FMN1: variants seen among roughly 807,000 people sequenced by gnomAD.
FMN1 encodes the protein formin-1.
In FMN1, 110 loss-of-function variants were observed where a neutral mutation model predicts 132.4. The observed-to-expected ratio is 0.83, with a 90% CI of 0.71 to 0.97. The LOEUF (loss-of-function observed/expected upper bound fraction) is 0.97. Among genes scored for constraint, FMN1 ranks in the 50% least tolerant of loss-of-function variants. The pLI is 0.00. For missense variants in FMN1, 1,792 were observed against 1,705.3 expected (o/e 1.05, Z -0.90); for synonymous variants, 722 against 651.7 (o/e 1.11, Z -1.64).
intron 6 of FMN1, among the ~76,000 whole-genome samples, chr15:33,010,559 T>G (rs1007015425): frequency 1.3e-5 from 2 of 152,182 alleles, no homozygotes; most frequent in African/African-American, 4.8e-5. Context: ...ATTGTTGATA[T>G]TCATCATTTT....
rs1450091847 is a variant in FMN1, at chr15:33,153,328, G to C, written c.1587C>G (p.Pro529=). The C allele has an allele frequency of 6.5e-7, 1 of 1,536,362 alleles. No individual in the cohort carries two copies. Among genetic ancestry groups the C allele is most frequent in the East Asian group, 2.4e-5 (1 of 40,920 alleles). ...GGATCCTGTGATGCTGCTGAGGGCTGGGGAGCCTTGGAGACAGAGGCGAGG... is the reference window on the plus strand; with the variant it reads ...GGATCCTGTGATGCTGCTGAGGGCTCGGGAGCCTTGGAGACAGAGGCGAGG... ...PVPSPLSPRL[P]SPQQHHRILR... Residue 529 remains proline (P), a synonymous_variant, in exon 4 of 21, where the codon CCC becomes CCG. Transcript: ENST00000616417.
chr15:32,958,899 G>A (rs144677297), intron 9 of FMN1, among the ~76,000 whole-genome samples: 2,070 of 152,020 alleles, frequency 0.014, 49 homozygotes, highest in African/African-American at 0.047. Context: ...AAAATTAGCT[G>A]GGCGTGATGG....
Position 33,088,961 on chromosome 15 carries a change from C to T in FMN1, c.1881G>A (p.Glu627=), listed in dbSNP as rs1484101129. ...QHQSPPGISS[E]GFPWDGFNEQ... ...CATTGAAGCCGTCCCAGGGAAAGCC[C>T]TCAGAGGAGATACCTAAACAAACAC... The change falls in exon 5 of 21, where the codon GAG becomes GAA. Residue 627 remains glutamate (E), a synonymous_variant. Transcript: ENST00000616417. 2.0e-6 allele frequency: 3 copies of T among 1,534,538 alleles called. No individual in the cohort carries two copies. The African/African-American group carries it at 4.1e-5, about 21-fold the overall frequency.
intron 17 of FMN1, among the ~76,000 whole-genome samples, chr15:32,852,498 G>A (rs2141268896): frequency 6.6e-6 from 1 of 152,160 alleles, no homozygotes; most frequent in South Asian, 2.1e-4. Context: ...TCCCACCTCA[G>A]CCTCCCAAGT....
intron 16 of FMN1, among the ~76,000 whole-genome samples, chr15:32,882,417 G>A (rs1221442723): frequency 6.6e-6 from 1 of 152,138 alleles, no homozygotes; most frequent in African/African-American, 2.4e-5. Context: ...CTGGTATTAA[G>A]TGCTCATTAA....
At chr15:33,075,847 ATTCAT>A (rs2038186929) in intron 5 of FMN1, among the ~76,000 whole-genome samples, 1 of 152,170 alleles carries the variant, frequency 6.6e-6, no homozygotes, top group Admixed American at 6.5e-5. Context: ...CATTTTATTT[ATTCAT>A]TTATTTTTGG....
At chr15:33,050,715 A>G (rs2036928684) in intron 6 of FMN1, among the ~76,000 whole-genome samples, 1 of 152,228 alleles carries the variant, frequency 6.6e-6, no homozygotes, top group Non-Finnish European at 1.5e-5. Context: ...ATTCCACTTC[A>G]GTCCTATCAA....
chr15:32,972,530 T>C (rs1596373995), intron 7 of FMN1, among the ~76,000 whole-genome samples: 1 of 152,306 alleles, frequency 6.6e-6, no homozygotes. Flanking sequence ...CTCTGCCACA[T>C]TTGTTAAGAG....
At chr15:32,963,054 T>C (rs2030768687) in intron 9 of FMN1, among the ~76,000 whole-genome samples, 1 of 144,754 alleles carries the variant, frequency 6.9e-6, no homozygotes, top group African/African-American at 2.8e-5. Flanking sequence ...GTATGTTTAT[T>C]GTGGCATTAT....
At chr15:32,962,611 T>A (rs2030701648) in intron 9 of FMN1, among the ~76,000 whole-genome samples, 2 of 150,932 alleles carry the variant, frequency 1.3e-5, no homozygotes, top group African/African-American at 4.9e-5. Context: ...AGGGCTAATA[T>A]CCAGAATCTA....
At chr15:32,785,218 A>ATATATATATTTTTTT (rs1444523400) in intron 19 of FMN1, among the ~76,000 whole-genome samples, 2 of 39,208 alleles carry the variant, frequency 5.1e-5, no homozygotes, top group African/African-American at 1.2e-4. Flanking sequence ...ATATATATAT[A>ATATATATATTTTTTT]TTTTTTTTTT....
chr15:32,955,350 T>C (rs1240754821), intron 9 of FMN1, among the ~76,000 whole-genome samples: 5 of 152,210 alleles, frequency 3.3e-5, no homozygotes, highest in African/African-American at 1.2e-4. Context: ...GATGTGTGTA[T>C]TTTGCAAAGC....
At chr15:33,027,370 T>A (rs1263881351) in intron 6 of FMN1, among the ~76,000 whole-genome samples, 1 of 152,226 alleles carries the variant, frequency 6.6e-6, no homozygotes, top group Non-Finnish European at 1.5e-5. Context: ...ATTTGAAATA[T>A]ACTAAGTAAT....
intron 8 of FMN1, among the ~76,000 whole-genome samples, chr15:32,965,565 A>G (rs143414830): frequency 4.6e-5 from 7 of 152,310 alleles, no homozygotes; most frequent in African/African-American, 1.7e-4. Context: ...CTATTATTAC[A>G]TGGAATGGTC....
chr15:33,090,342 T>C (rs2141365679), intron 4 of FMN1, among the ~76,000 whole-genome samples: 1 of 152,296 alleles, frequency 6.6e-6, no homozygotes, highest in East Asian at 1.9e-4. Context: ...AGAAAGGAAC[T>C]GCGAGATAGC....
intron 7 of FMN1, among the ~76,000 whole-genome samples, chr15:32,973,793 T>C (rs922189740): frequency 6.6e-6 from 1 of 152,246 alleles, no homozygotes; most frequent in African/African-American, 2.4e-5. Flanking sequence ...CTCAAGTTCA[T>C]GCATACCATG....
chr15:32,793,682 T>C (rs1395096097), intron 19 of FMN1, among the ~76,000 whole-genome samples: 2 of 152,230 alleles, frequency 1.3e-5, no homozygotes, highest in African/African-American at 4.8e-5. Flanking sequence ...TTAGGAAAAT[T>C]CAAAGTTTTG....
chr15:32,814,820 C>T (rs528021364), intron 17 of FMN1, among the ~76,000 whole-genome samples: 3 of 152,214 alleles, frequency 2.0e-5, no homozygotes, highest in Non-Finnish European at 2.9e-5. Flanking sequence ...AGACTATAAA[C>T]CTAGTATTTA....
rs933022929 is a variant in FMN1 at position 33,153,794 on chromosome 15, G to A, written c.1121C>T (p.Pro374Leu). The A allele has an allele frequency of 6.8e-5, 104 of 1,536,220 alleles. No homozygotes were observed. Among genetic ancestry groups the A allele is most frequent in the Middle Eastern group, 1.7e-4 (1 of 6,012 alleles). Reference sequence around the variant, plus strand: ...GCCATGAGCCCCAGCCTCAGCTCCCGGGAGGGTGAGCAAGTCGGCTTTGGG... The same window carrying A: ...GCCATGAGCCCCAGCCTCAGCTCCCAGGAGGGTGAGCAAGTCGGCTTTGGG... ...FVPKADLLTL[P>L]GAEAGAHGSR... The change falls in exon 4 of 21, where the codon CCG (proline) becomes CTG (leucine). Residue 374 changes from proline to leucine, a missense_variant. Around this residue, in one of 3 missense-constraint regions of FMN1, gnomAD observed 638 missense variants for 645.2 expected, o/e 0.99. Coordinates refer to ENST00000616417, the MANE Select transcript of FMN1 (RefSeq NM_001277313.2).
Sources: allele counts gnomAD v4.1 joint callset (sites outside exome capture counted in the v4.1 genomes callset), GRCh38; gene constraint gnomAD v4.1.1; regional missense constraint gnomAD v4.1.1; transcripts MANE v1.5; gene names NCBI Gene and HGNC (gene_info 2026-07-23, HGNC 2026-07-21).